VPS8: variants seen among roughly 807,000 people sequenced by gnomAD.
VPS8 encodes vacuolar protein sorting-associated protein 8 homolog.
In VPS8, 129 loss-of-function variants were observed where a neutral mutation model predicts 216.4. The observed-to-expected ratio is 0.60, with a 90% confidence interval of 0.52 to 0.69. The LOEUF (loss-of-function observed/expected upper bound fraction) is 0.69. Among genes scored for constraint, VPS8 ranks in the 30% least tolerant of loss-of-function variants. VPS8 has a pLI of 0.00. For missense variants in VPS8, 1,531 were observed against 1,683.5 expected (o/e 0.91, Z 1.59); for synonymous variants, 571 against 565.4 (o/e 1.01, Z -0.14).
chr3:184,844,680 T>C (rs1205554348), intron 8 of VPS8, among the ~76,000 whole-genome samples: 1 of 152,246 alleles, frequency 6.6e-6, no homozygotes, highest in Non-Finnish European at 1.5e-5. Flanking sequence ...TTTTCTTTGC[T>C]ATTCAGCATA....
At chr3:184,819,374 A>G (rs775696870) in intron 1 of VPS8, among the ~76,000 whole-genome samples, 16 of 152,328 alleles carry the variant, frequency 1.1e-4, no homozygotes, top group South Asian at 2.1e-4. Context: ...CTGGTATGGT[A>G]TCCTCTTAAG....
Position 184,924,996 on chromosome 3 carries a change from G to C in VPS8, c.2574+15G>C. Reference sequence around the variant, plus strand: ...TTTTTGATCAGGTAAGTGTCTAGCAGTGAAAACTAAAAGGTTTTTTCCTGT... The same window carrying C: ...TTTTTGATCAGGTAAGTGTCTAGCACTGAAAACTAAAAGGTTTTTTCCTGT... On this transcript the variant is annotated intron_variant, in intron 30 of 47. Transcript: ENST00000625842. 6.2e-7 allele frequency: 1 copy of C among 1,609,336 alleles called. No individual in the cohort carries two copies. Among genetic ancestry groups the C allele is most frequent in the Non-Finnish European group, 8.5e-7 (1 of 1,177,922 alleles).
chr3:184,968,151 G>T (rs140018664), intron 39 of VPS8, among the ~76,000 whole-genome samples: 26 of 152,024 alleles, frequency 1.7e-4, no homozygotes. Flanking sequence ...AGTGTTTGTC[G>T]TTTTGTGACT....
At chr3:184,955,352 A>T (rs1334879047) in intron 36 of VPS8, among the ~76,000 whole-genome samples, 2 of 152,190 alleles carry the variant, frequency 1.3e-5, no homozygotes, top group African/African-American at 4.8e-5. Flanking sequence ...GATCTTTCTT[A>T]TAAGTGCATA....
intron 11 of VPS8, among the ~76,000 whole-genome samples, chr3:184,853,604 A>G (rs1320779749): frequency 6.6e-6 from 1 of 152,186 alleles, no homozygotes; most frequent in Non-Finnish European, 1.5e-5. Flanking sequence ...GCCAGATCAT[A>G]TCCTTTTAAG....
chr3:185,038,517 G>A (rs1759207333), intron 46 of VPS8, among the ~76,000 whole-genome samples: 1 of 152,180 alleles, frequency 6.6e-6, no homozygotes, highest in Admixed American at 6.5e-5. Context: ...AGTCTAGGTT[G>A]TATTTTCATT....
chr3:184,868,394 T>A lies in VPS8; in HGVS notation c.1506+335T>A, dbSNP rs549818873. Reference sequence around the variant, plus strand: ...CTGTTCCACCATGTTTGTCTTTGAATTCTGGTCTCAGGGCCATTTTATAAT... The same window carrying A: ...CTGTTCCACCATGTTTGTCTTTGAAATCTGGTCTCAGGGCCATTTTATAAT... On this transcript the variant is annotated intron_variant, in intron 18 of 47. Coordinates refer to ENST00000625842, the MANE Select transcript of VPS8 (RefSeq NM_001009921.3). 2.8e-3 allele frequency: 599 copies of A among 212,838 alleles called. 4 individuals carry two copies. The highest frequency in any genetic ancestry group is 4.3e-3 in the Non-Finnish European group (468 of 108,278). 13.2% of individuals were successfully genotyped at this position (212,838 alleles called of 1,614,324 possible).
At chr3:184,917,777 A>G (rs1379083850) in intron 28 of VPS8, among the ~76,000 whole-genome samples, 2 of 152,242 alleles carry the variant, frequency 1.3e-5, no homozygotes, top group Non-Finnish European at 2.9e-5. Context: ...TATTAATTTT[A>G]TACTTTAAAA....
Position 184,983,004 on chromosome 3 carries a change from T to TA in VPS8, c.3503-7dup, listed in dbSNP as rs771274193. On this transcript the variant is annotated splice_region_variant and splice_polypyrimidine_tract_variant and intron_variant, in intron 41 of 47. Transcript: ENST00000625842. ...ACTAACCTTAATGTTAATATTTTGTTATAACAGCTCTGAAGTCTTTGACCA... is the reference window on the plus strand; with the variant it reads ...ACTAACCTTAATGTTAATATTTTGTTAATAACAGCTCTGAAGTCTTTGACCA... 18 of 1,586,482 alleles carry TA rather than the reference T, an allele frequency of 1.1e-5. No individual in the cohort carries two copies. Among genetic ancestry groups the TA allele is most frequent in the Non-Finnish European group, 1.2e-5 (14 of 1,166,336 alleles).
At position 184,917,332 on chromosome 3, in the gene VPS8, GAAAC is replaced by G. The variant is rs1737772006; in HGVS notation, c.2382+1862_2382+1865del. ...TTAAGTATAAGGAGAAGTACAGAGA[GAAAC>G]AAATCCAGAGAGGTAGGCAGATACC... is the stretch of plus-strand genomic sequence containing the variant. On this transcript the variant is annotated intron_variant, in intron 28 of 47. Transcript: ENST00000625842. 1.3e-5 allele frequency among the ~76,000 whole-genome samples: 2 copies of G among 152,168 alleles called. 1 individual carries two copies. Among genetic ancestry groups the G allele is most frequent in the South Asian group, 4.1e-4 (2 of 4,828 alleles).
chr3:184,823,673 T>C (rs1040519478), intron 1 of VPS8, among the ~76,000 whole-genome samples: 1 of 152,212 alleles, frequency 6.6e-6, no homozygotes. Flanking sequence ...ATTGGACTTT[T>C]TAAAGTTGGG....
At chr3:184,883,942 GT>G (rs1211019930) in intron 21 of VPS8, among the ~76,000 whole-genome samples, 1 of 152,098 alleles carries the variant, frequency 6.6e-6, no homozygotes, top group Non-Finnish European at 1.5e-5. Flanking sequence ...TTAATGAAGT[GT>G]TTTCAAATTT....
intron 21 of VPS8, among the ~76,000 whole-genome samples, chr3:184,872,847 A>G (rs560886038): frequency 3.4e-4 from 52 of 152,278 alleles, no homozygotes; most frequent in Non-Finnish European, 1.5e-4. Context: ...TTCACAAGGA[A>G]CAGGAAATTC....
intron 22 of VPS8, among the ~76,000 whole-genome samples, chr3:184,894,276 A>G (rs1041370007): frequency 3.3e-5 from 5 of 151,970 alleles, no homozygotes; most frequent in Admixed American, 1.3e-4. Context: ...TTTTTTTCCT[A>G]CTTCATGATG....
chr3:184,848,175 A>G lies in VPS8; in HGVS notation c.542-896A>G, dbSNP rs957267396. On this transcript the variant is annotated intron_variant, in intron 8 of 47. Transcript: ENST00000625842. The stretch of plus-strand genomic sequence containing the variant: ...GACCTTCCCTTCCTCAGCCTCCCAA[A>G]GTGCTGGGATTACAGGTGTGAGCCA... 4.6e-5 allele frequency among the ~76,000 whole-genome samples: 7 copies of G among 152,188 alleles called. No individual in the cohort carries two copies. The South Asian group carries it at 1.2e-3, about 27-fold the overall frequency.
intron 40 of VPS8, among the ~76,000 whole-genome samples, chr3:184,973,887 T>A (rs1179669734): frequency 1.3e-5 from 2 of 152,198 alleles, no homozygotes; most frequent in African/African-American, 4.8e-5. Context: ...CATCCTTTTT[T>A]ATGGCCAAAT....
chr3:185,028,654 T>C (rs1257491114), intron 46 of VPS8, among the ~76,000 whole-genome samples: 3 of 152,186 alleles, frequency 2.0e-5, no homozygotes, highest in East Asian at 3.8e-4. Flanking sequence ...ATATTAGCTA[T>C]TTTTTCTCTC....
At position 184,850,110 on chromosome 3, in the gene VPS8, A is replaced by C. The variant is rs531796330; in HGVS notation, c.753+88A>C. ...TAAATTTCTCTATGTTGATGATCAG[A>C]GTCCAAAAAATGTATTTAACATGAA... On this transcript the variant is annotated intron_variant, in intron 10 of 47. Coordinates refer to ENST00000625842, the MANE Select transcript of VPS8 (RefSeq NM_001009921.3). The C allele has an allele frequency of 2.8e-6, 3 of 1,070,626 alleles. No individual in the cohort carries two copies. In the Admixed American group the frequency reaches 7.7e-5, roughly 27 times the overall value. 66.3% of individuals were successfully genotyped at this position (1,070,626 alleles called of 1,614,324 possible). A position where few individuals can be genotyped will look rare whatever the true frequency, so the allele number is the denominator to read the frequency against.
intron 45 of VPS8, among the ~76,000 whole-genome samples, chr3:185,000,870 G>T (rs138751692): frequency 4.6e-5 from 7 of 152,298 alleles, no homozygotes; most frequent in Non-Finnish European, 7.3e-5. Context: ...CTCCCAAAGT[G>T]CTGGGATTAC....
Sources: allele counts gnomAD v4.1 joint callset (sites outside exome capture counted in the v4.1 genomes callset), GRCh38; gene constraint gnomAD v4.1.1; transcripts MANE v1.5; gene names NCBI Gene and HGNC (gene_info 2026-07-23, HGNC 2026-07-21).